DMXL2: variants seen among roughly 807,000 people sequenced by gnomAD.
DMXL2 encodes the protein dmX-like protein 2.
A neutral mutation model predicts 331.1 loss-of-function variants in DMXL2; 103 were observed. The ratio of observed to expected loss-of-function variants is 0.31; its 90% CI spans 0.27 to 0.37. The LOEUF is 0.37. Ranked by LOEUF, DMXL2 falls within the 10% of genes least tolerant of loss-of-function variation. The pLI is 1.00. For synonymous variants in DMXL2, 1,281 were observed against 1,252.1 expected (o/e 1.02, Z -0.49); for missense variants, 3,171 against 3,642.9 (o/e 0.87, Z 3.33).
chr15:51,619,409 C>T lies in DMXL2; in HGVS notation c.87+3050G>A, dbSNP rs545714698. Among the ~76,000 whole-genome samples the T allele has an allele frequency of 2.0e-5, 3 of 152,326 alleles. No individual in the cohort carries two copies. In the South Asian group the frequency reaches 6.2e-4, roughly 32 times the overall value. ...GAATGTTTAAGGAAACAGCTGTATA[C>T]TGCCTAAACACAAGTGAAAAGCATC... On this transcript the variant is annotated intron_variant, in intron 1 of 43. Coordinates refer to ENST00000560891, the MANE Select transcript of DMXL2 (RefSeq NM_001378457.1).
rs774284974 is a variant in DMXL2, at chr15:51,536,770, C to A, written c.1710G>T (p.Ala570=). 1 of 1,613,842 alleles carries A rather than the reference C, an allele frequency of 6.2e-7. No homozygotes were observed. Among genetic ancestry groups the A allele is most frequent in the Non-Finnish European group, 8.5e-7 (1 of 1,179,962 alleles). The change falls in exon 12 of 44, where the codon GCG becomes GCT. Residue 570 remains alanine (A), a synonymous_variant. Coordinates refer to ENST00000560891, the MANE Select transcript of DMXL2 (RefSeq NM_001378457.1). ...KNIMMYACIN[A]TKDSHHTLLH... ...ACAGCGTGTGGTGAGAATCTTTTGT[C>A]GCATTTATACAGGCATACATCATGA...
At chr15:51,496,826 C>T (rs1006655770) in intron 18 of DMXL2, among the ~76,000 whole-genome samples, 1 of 152,126 alleles carries the variant, frequency 6.6e-6, no homozygotes, top group Admixed American at 6.5e-5. Context: ...CTCACCTGAA[C>T]AAATGGAAGA....
chr15:51,460,775 G>A (rs1362917903), intron 33 of DMXL2, among the ~76,000 whole-genome samples: 1 of 152,028 alleles, frequency 6.6e-6, no homozygotes, highest in African/African-American at 2.4e-5. Context: ...GCCTAACGAC[G>A]AGTTTTTATT....
chr15:51,461,159 A>T (rs2040075929), intron 33 of DMXL2, among the ~76,000 whole-genome samples: 1 of 152,252 alleles, frequency 6.6e-6, no homozygotes, highest in South Asian at 2.1e-4. Flanking sequence ...ACTGATGCTT[A>T]TATAGCACTT....
chr15:51,566,255 G>GTGTGTGTGTGTGTGTGTT (rs2050280160), intron 3 of DMXL2, among the ~76,000 whole-genome samples: 1 of 103,510 alleles, frequency 9.7e-6, no homozygotes, highest in African/African-American at 2.8e-5. Flanking sequence ...GTGTGTGTGT[G>GTGTGTGTGTGTGTGTGTT]TGTGTGTGTG....
chr15:51,458,504 A>G lies in DMXL2; in HGVS notation c.8198+2T>C. On this transcript the variant is annotated splice_donor_variant, in intron 36 of 43. Transcript: ENST00000560891. LOFTEE classifies it high-confidence loss of function. ...ATATGTAAAAGTGACTATGAGACAAACCTTTTGGATTCTCTGTCATATTCT... is the reference window on the plus strand; with the variant it reads ...ATATGTAAAAGTGACTATGAGACAAGCCTTTTGGATTCTCTGTCATATTCT... The G allele has an allele frequency of 6.2e-7, 1 of 1,613,098 alleles. No homozygotes were observed. The highest frequency in any genetic ancestry group is 8.5e-7 in the Non-Finnish European group (1 of 1,179,612).
At chr15:51,457,513 A>G in intron 36 of DMXL2, 47 bp from the exon 37 acceptor site, 1 of 1,597,136 alleles carries the variant, frequency 6.3e-7, no homozygotes. Flanking sequence ...CTTTTCTCTT[A>G]ACACAAATTC....
intron 22 of DMXL2, among the ~76,000 whole-genome samples, chr15:51,487,707 C>T (rs1036280704): frequency 3.3e-5 from 5 of 152,188 alleles, no homozygotes; most frequent in African/African-American, 1.2e-4. Context: ...ATCTACCTTC[C>T]CTGGCCTCCC....
chr15:51,534,583 G>A (rs908378837), intron 13 of DMXL2, among the ~76,000 whole-genome samples: 4 of 152,206 alleles, frequency 2.6e-5, no homozygotes, highest in African/African-American at 9.6e-5. Flanking sequence ...TAAAGCATCA[G>A]ATGGCTGGTG....
chr15:51,573,189 G>C (rs1449827034), intron 2 of DMXL2, among the ~76,000 whole-genome samples: 3 of 152,172 alleles, frequency 2.0e-5, no homozygotes, highest in Admixed American at 1.3e-4. Context: ...AAAAAGCCAG[G>C]AAACAACAGA....
At chr15:51,559,756 G>A (rs1306127164) in intron 6 of DMXL2, among the ~76,000 whole-genome samples, 2 of 151,956 alleles carry the variant, frequency 1.3e-5, no homozygotes, top group Non-Finnish European at 2.9e-5. Context: ...ACACGGAGGT[G>A]GTACTTGACA....
At chr15:51,494,690 CATAATTTTTCAAAGAAAAGACATCAAG>C (rs750678940) in intron 19 of DMXL2, among the ~76,000 whole-genome samples, 11 of 152,104 alleles carry the variant, frequency 7.2e-5, no homozygotes, top group Non-Finnish European at 1.2e-4. Context: ...GCAAAGTTTA[CATAATTTTTCAAAGAAAAGACATCAAG>C]ATATTCAGGG....
At chr15:51,490,489 A>G (rs1224090504) in intron 20 of DMXL2, among the ~76,000 whole-genome samples, 2 of 152,250 alleles carry the variant, frequency 1.3e-5, no homozygotes, top group African/African-American at 4.8e-5. Flanking sequence ...ATTCCAAAGG[A>G]CTAAAAGGAA....
chr15:51,464,942 A>G, intron 31 of DMXL2, 66 bp from the exon 32 acceptor site: 1 of 1,349,162 alleles, frequency 7.4e-7, no homozygotes, highest in Non-Finnish European at 1.0e-6. Flanking sequence ...AAATATTTAT[A>G]GAATCTGAAT....
intron 6 of DMXL2, among the ~76,000 whole-genome samples, chr15:51,559,939 C>T (rs1432694999): frequency 6.6e-6 from 1 of 152,038 alleles, no homozygotes; most frequent in Non-Finnish European, 1.5e-5. Context: ...AATTCTATTC[C>T]TATGTATATA....
chr15:51,614,883 C>A (rs956004378), intron 1 of DMXL2, among the ~76,000 whole-genome samples: 1 of 152,080 alleles, frequency 6.6e-6, no homozygotes, highest in African/African-American at 2.4e-5. Context: ...TGAAAATAAA[C>A]TGAAGGAGGA....
rs779561697 is a variant in DMXL2 at position 51,458,573 on chromosome 15, C to T, written c.8131G>A (p.Val2711Ile). ...GACTGACAGGCCAGTAGAGAAGTAA[C>T]ATCAAGTTCTTGAACATCATGTGTT... ...ASTHDVQELD[V>I]TSLLACQSYI... Residue 2711 changes from valine (V) to isoleucine (I), a missense_variant, in exon 36 of 44, where the codon GTT (valine) becomes ATT (isoleucine). Around this residue, in one of 7 missense-constraint regions of DMXL2, gnomAD observed 766 missense variants for 940.5 expected, o/e 0.81. Transcript: ENST00000560891. The T allele has an allele frequency of 2.2e-5, 36 of 1,613,862 alleles. No individual in the cohort carries two copies. The highest frequency in any genetic ancestry group is 3.3e-5 in the Admixed American group (2 of 60,006).
intron 6 of DMXL2, among the ~76,000 whole-genome samples, chr15:51,556,785 T>G (rs987938858): frequency 6.6e-6 from 1 of 151,556 alleles, no homozygotes; most frequent in East Asian, 1.9e-4. Context: ...AAAAAAAAGA[T>G]AAAAATTGTC....
intron 1 of DMXL2, among the ~76,000 whole-genome samples, chr15:51,592,747 TG>T (rs1342495820): frequency 9.9e-5 from 15 of 151,768 alleles, no homozygotes; most frequent in Non-Finnish European, 2.2e-4. Context: ...CAGAAGAGAG[TG>T]GGGGCCAATA....
Sources: gnomAD v4.1 joint callset for allele counts (sites outside exome capture counted in the v4.1 genomes callset) on GRCh38, gnomAD v4.1.1 for gene constraint, gnomAD v4.1.1 regional missense constraint, MANE v1.5 for transcripts, NCBI Gene and HGNC (gene_info 2026-07-23, HGNC 2026-07-21) for gene names.